Variants in C11orf54 observed in about 807,000 individuals in gnomAD.
C11orf54 encodes beta-keto-L-gulonate decarboxylase.
In C11orf54, 29 loss-of-function variants were observed where a neutral mutation model predicts 35.5. That is an observed-to-expected ratio of 0.82 (90% CI 0.61 to 1.11). The LOEUF (loss-of-function observed/expected upper bound fraction) is 1.11, where lower values mean the gene tolerates loss of function less well. Ranked by LOEUF, C11orf54 falls within the 50% of genes most tolerant of loss-of-function variation. The pLI is 0.00. For synonymous variants in C11orf54, 108 were observed against 121.1 expected (o/e 0.89, Z 0.71); for missense variants, 373 against 369.2 (o/e 1.01, Z -0.08).
At position 93,757,315 on chromosome 11, in the gene C11orf54, G is replaced by A; in HGVS notation, c.508-1G>A. On this transcript the variant is annotated splice_acceptor_variant, in intron 6 of 8. Coordinates refer to ENST00000354421, the MANE Select transcript of C11orf54 (RefSeq NM_001286069.2). LOFTEE classifies it high-confidence loss of function. ...GGTATGCATCTTTATGTCCTCTATA[G>A]GTAATTGAGGTGAAAGCCAAAAGAA... 6.3e-7 allele frequency: 1 copy of A among 1,597,492 alleles called. No individual in the cohort carries two copies. Among genetic ancestry groups the A allele is most frequent in the Non-Finnish European group, 8.5e-7 (1 of 1,179,284 alleles).
At position 93,759,799 on chromosome 11, in the gene C11orf54, C is replaced by T; in HGVS notation, c.715C>T (p.His239Tyr). 6.2e-7 allele frequency: 1 copy of T among 1,611,006 alleles called. No individual in the cohort carries two copies. The highest frequency in any genetic ancestry group is 8.5e-7 in the Non-Finnish European group (1 of 1,177,992). The part of the protein sequence containing the change: ...NSDEEVNKWL[H>Y]FYEMKAPLVC... ...TGATGAAGAAGTGAATAAATGGTTG[C>T]ATTTTTATGAAATGAAAGCTCCTTT... The change falls in exon 8 of 9, where the codon CAT becomes TAT. Residue 239 changes from histidine to tyrosine, a missense_variant. Transcript: ENST00000354421.
At chr11:93,758,794 C>T (rs184306854) in intron 7 of C11orf54, among the ~76,000 whole-genome samples, 5 of 152,370 alleles carry the variant, frequency 3.3e-5, no homozygotes, top group East Asian at 3.9e-4. Context: ...GCCTGGATTC[C>T]GTGATCGGCA....
At chr11:93,756,312 C>A (rs1462953370) in intron 6 of C11orf54, among the ~76,000 whole-genome samples, 422 of 119,624 alleles carry the variant, frequency 3.5e-3, no homozygotes, top group South Asian at 5.0e-3. Context: ...AAGACCCTGT[C>A]AAAAAAAAAA....
At chr11:93,749,937 A>G (rs1942722315) in intron 2 of C11orf54, among the ~76,000 whole-genome samples, 1 of 152,196 alleles carries the variant, frequency 6.6e-6, no homozygotes, top group Non-Finnish European at 1.5e-5. Context: ...GTAATATTGT[A>G]TGTAGTGTTT....
chr11:93,745,430 T>C (rs895539104), intron 1 of C11orf54, among the ~76,000 whole-genome samples: 2 of 152,204 alleles, frequency 1.3e-5, no homozygotes, highest in African/African-American at 4.8e-5. Context: ...GCATACAGTC[T>C]GCAAACATAT....
At chr11:93,751,339 TGTA>T (rs1942808125) in intron 3 of C11orf54, among the ~76,000 whole-genome samples, 1 of 152,042 alleles carries the variant, frequency 6.6e-6, no homozygotes, top group African/African-American at 2.4e-5. Context: ...AGAAGGCTTG[TGTA>T]CCATGTGGCA....
intron 5 of C11orf54, among the ~76,000 whole-genome samples, chr11:93,754,654 GA>G (rs1397545910): frequency 6.7e-6 from 1 of 148,442 alleles, no homozygotes; most frequent in Non-Finnish European, 1.5e-5. Flanking sequence ...TTCAAGTTAG[GA>G]AAAAAAGTTA....
rs189739430 is a variant in C11orf54 at position 93,747,379 on chromosome 11, T to G, written c.-15T>G. ...AGCTCTATTTGTCCAACCTCACACCTAAAGAAGAAAGAAAATGGCTTGTGC... is the reference window on the plus strand; with the variant it reads ...AGCTCTATTTGTCCAACCTCACACCGAAAGAAGAAAGAAAATGGCTTGTGC... On this transcript the variant is annotated 5_prime_UTR_variant, in exon 2 of 9. Transcript: ENST00000354421. The G allele has an allele frequency of 1.3e-6, 2 of 1,583,208 alleles. No individual in the cohort carries two copies. The highest frequency in any genetic ancestry group is 2.8e-5 in the African/African-American group (2 of 72,596).
At chr11:93,757,490 G>C (rs1280394958) in intron 7 of C11orf54, 25 bp downstream of exon 7, 2 of 1,582,810 alleles carry the variant, frequency 1.3e-6, no homozygotes, top group Non-Finnish European at 1.7e-6. Context: ...GTGCATACAT[G>C]CATGAAGGAG....
At chr11:93,754,189 A>G in intron 5 of C11orf54, 152 bp downstream of exon 5, 1 of 666,940 alleles carries the variant, frequency 1.5e-6, no homozygotes, top group Non-Finnish European at 2.6e-6. Context: ...TATAGCACAC[A>G]CTCCAACTGG....
At chr11:93,761,453 C>T in intron 8 of C11orf54, 62 bp from the exon 9 acceptor site, 4 of 1,422,284 alleles carry the variant, frequency 2.8e-6, no homozygotes, top group South Asian at 1.5e-5. Context: ...AAAAGTTATC[C>T]CTCCCCCTTA....
At chr11:93,757,548 TA>T in intron 7 of C11orf54, 83 bp downstream of exon 7, 4 of 1,242,496 alleles carry the variant, frequency 3.2e-6, no homozygotes, top group Non-Finnish European at 4.4e-6. Flanking sequence ...TTTTTTTTTT[TA>T]AACGGATCCT....
At position 93,763,744 on chromosome 11, in the gene C11orf54, A is replaced by C. The variant is rs1591374794; in HGVS notation, c.*2056A>C. 1 of 152,562 alleles carries C rather than the reference A, an allele frequency of 6.6e-6. No individual in the cohort carries two copies. The highest frequency in any genetic ancestry group is 2.4e-5 in the African/African-American group (1 of 41,532). The allele number at this position is 152,562 out of a possible 1,614,324, so 9.5% of individuals were successfully genotyped here. The stretch of plus-strand genomic sequence containing the variant: ...GCACTGTAGCCTGGGCAACACAGTG[A>C]GACCCTGTCTCAAAAAGAAAAAAAA... On this transcript the variant is annotated 3_prime_UTR_variant, in exon 9 of 9. Coordinates refer to ENST00000354421, the MANE Select transcript of C11orf54 (RefSeq NM_001286069.2).
intron 7 of C11orf54, 83 bp downstream of exon 7, chr11:93,757,548 T>TA: frequency 8.0e-7 from 1 of 1,242,580 alleles, no homozygotes; most frequent in Non-Finnish European, 1.1e-6. Flanking sequence ...TTTTTTTTTT[T>TA]AAACGGATCC....
intron 2 of C11orf54, among the ~76,000 whole-genome samples, chr11:93,749,025 C>A (rs1942648096): frequency 6.6e-6 from 1 of 151,112 alleles, no homozygotes; most frequent in Non-Finnish European, 1.5e-5. Context: ...GCGCCTGTAA[C>A]CCCAGCTACT....
intron 1 of C11orf54, among the ~76,000 whole-genome samples, chr11:93,743,906 A>C (rs1265749273): frequency 6.6e-6 from 1 of 152,112 alleles, no homozygotes; most frequent in Admixed American, 6.5e-5. Context: ...ATCTGGCCCA[A>C]GGCTGTATTC....
chr11:93,760,728 G>C (rs534379358), intron 8 of C11orf54, among the ~76,000 whole-genome samples: 1 of 151,898 alleles, frequency 6.6e-6, no homozygotes, highest in South Asian at 2.1e-4. Context: ...ATGCAATCTC[G>C]GCTCACTGCA....
chr11:93,759,902 CT>C (rs1188821638), intron 8 of C11orf54, 44 bp downstream of exon 8: 2 of 1,158,340 alleles, frequency 1.7e-6, no homozygotes, highest in Non-Finnish European at 2.5e-6. Flanking sequence ...AATGATAATG[CT>C]TGATTTTTAG....
chr11:93,753,015 C>G (rs545252820), intron 3 of C11orf54, among the ~76,000 whole-genome samples: 1 of 152,236 alleles, frequency 6.6e-6, no homozygotes, highest in South Asian at 2.1e-4. Flanking sequence ...GAGTCTTGCT[C>G]TGTTGCCCAG....
Sources: gnomAD v4.1 joint callset for allele counts (sites outside exome capture counted in the v4.1 genomes callset) on GRCh38, gnomAD v4.1.1 for gene constraint, MANE v1.5 for transcripts, NCBI Gene and HGNC (gene_info 2026-07-23, HGNC 2026-07-21) for gene names.